The following FN1 variants were observed in gnomAD, a reference collection of about 807,000 sequenced individuals.
FN1 encodes the protein fibronectin 1, also known as fibronectin.
Under a neutral mutation model 297.3 loss-of-function variants are expected in FN1, and 106 were observed. The observed-to-expected ratio is 0.36, with a 90% CI of 0.30 to 0.42. FN1 has a LOEUF of 0.42. FN1 is among the 10% of genes least tolerant of loss of function. The pLI is 1.00. For missense variants in FN1, 2,690 were observed against 3,124.9 expected (o/e 0.86, Z 3.32); for synonymous variants, 1,149 against 1,152.6 (o/e 1.00, Z 0.06).
chr2:215,361,767 C>G (rs761696071), intron 45 of FN1, 141 bp from the exon 46 acceptor site: 11 of 981,238 alleles, frequency 1.1e-5, no homozygotes, highest in Non-Finnish European at 1.7e-5. Context: ...AACCTAGCAG[C>G]ATACTGGGCA....
chr2:215,397,353 G>C (rs2060424882), intron 22 of FN1, 130 bp from the exon 23 acceptor site: 2 of 661,324 alleles, frequency 3.0e-6, no homozygotes, highest in Non-Finnish European at 5.5e-6. Flanking sequence ...AAAAATATAG[G>C]TTACATTATG....
rs1224176023 is a variant in FN1 at position 215,397,680 on chromosome 2, G to A, written c.3517C>T (p.Pro1173Ser). The change falls in exon 22 of 46, where the codon CCA (proline) becomes TCA (serine). Residue 1173 changes from proline (P) to serine (S), a missense_variant and splice_region_variant. Pro to Ser is a moderately conservative substitution (Grantham distance 74). Transcript: ENST00000354785. ...DAPIVNKVVTPLSPPTNLHLE... is the reference protein window; with the variant it reads ...DAPIVNKVVTSLSPPTNLHLE... ...AGAAAAGGGAAAAAATTCTTCTTAC[G>A]TGTCACCACTTTGTTTACAATTGGC... 12 of 1,613,614 alleles carry A rather than the reference G, an allele frequency of 7.4e-6. No homozygotes were observed. The highest frequency in any genetic ancestry group is 4.5e-5 in the East Asian group (2 of 44,866).
chr2:215,432,915 T>C (rs1255149103), intron 3 of FN1, among the ~76,000 whole-genome samples: 1 of 152,164 alleles, frequency 6.6e-6, no homozygotes, highest in Non-Finnish European at 1.5e-5. Flanking sequence ...AGACAACACA[T>C]GGCTGGTTCA....
rs1369816310 is a variant in FN1 at position 215,361,342 on chromosome 2, C to A, written c.*213G>T. On this transcript the variant is annotated 3_prime_UTR_variant, in exon 46 of 46. Transcript: ENST00000354785. ...ATTGAATACTTCGAAGCAGAACAGGCAATGTGCAGCCCTCATTTATGAGAA... is the reference window on the plus strand; with the variant it reads ...ATTGAATACTTCGAAGCAGAACAGGAAATGTGCAGCCCTCATTTATGAGAA... The A allele has an allele frequency of 5.1e-5, 30 of 594,008 alleles. No homozygotes were observed. In the South Asian group the frequency reaches 5.8e-4, roughly 12 times the overall value. The allele number at this position is 594,008 out of a possible 1,614,324, so 36.8% of individuals were successfully genotyped here.
Position 215,378,266 on chromosome 2 carries a change from G to T in FN1, c.5623-4C>A. Reference sequence around the variant, plus strand: ...TCACTTCATATTTGGTGGCCACCTAGAGAAATAAGGGCATGGTGAGCTTTA... The same window carrying T: ...TCACTTCATATTTGGTGGCCACCTATAGAAATAAGGGCATGGTGAGCTTTA... On this transcript the variant is annotated splice_region_variant and splice_polypyrimidine_tract_variant and intron_variant, in intron 34 of 45. Coordinates refer to ENST00000354785, the MANE Select transcript of FN1 (RefSeq NM_212482.4). 6.3e-7 allele frequency: 1 copy of T among 1,576,128 alleles called. No homozygotes were observed. Among genetic ancestry groups the T allele is most frequent in the Non-Finnish European group, 8.7e-7 (1 of 1,146,556 alleles).
intron 23 of FN1, among the ~76,000 whole-genome samples, chr2:215,395,079 G>A (rs1296744495): frequency 6.6e-6 from 1 of 152,030 alleles, no homozygotes; most frequent in Non-Finnish European, 1.5e-5. Context: ...TCCTATCACT[G>A]TACCCTGCTT....
intron 3 of FN1, among the ~76,000 whole-genome samples, chr2:215,432,853 C>T (rs1293706549): frequency 6.6e-6 from 1 of 152,126 alleles, no homozygotes; most frequent in Non-Finnish European, 1.5e-5. Context: ...ACCAAGAAAC[C>T]AGACTGTTTC....
chr2:215,391,987 AACACTACAC>A, intron 25 of FN1, 173 bp from the exon 26 acceptor site: 1 of 634,676 alleles, frequency 1.6e-6, no homozygotes, highest in Non-Finnish European at 2.8e-6. Flanking sequence ...TTAAAAATAA[AACACTACAC>A]ACAGTACTGT....
chr2:215,375,191 T>G, intron 38 of FN1, 23 bp downstream of exon 38: 1 of 1,612,598 alleles, frequency 6.2e-7, no homozygotes, highest in Non-Finnish European at 8.5e-7. Flanking sequence ...AGAAGGAAAA[T>G]GACAGCATGG....
Position 215,384,980 on chromosome 2 carries a change from G to GAA in FN1, c.4613-6_4613-5dup. On this transcript the variant is annotated splice_polypyrimidine_tract_variant and splice_region_variant and intron_variant, in intron 28 of 45. Coordinates refer to ENST00000354785, the MANE Select transcript of FN1 (RefSeq NM_212482.4). ...AGGTCCCTCGGAACATCAGAAACTAGAAAAAAAAGGGAAACTTTTCACATC... is the reference window on the plus strand; with the variant it reads ...AGGTCCCTCGGAACATCAGAAACTAGAAAAAAAAAAGGGAAACTTTTCACATC... 1.3e-6 allele frequency: 2 copies of GAA among 1,592,040 alleles called. No homozygotes were observed. The highest frequency in any genetic ancestry group is 1.1e-5 in the South Asian group (1 of 90,570).
chr2:215,414,350 CTAAA>C (rs2063121360), intron 13 of FN1, among the ~76,000 whole-genome samples: 1 of 152,078 alleles, frequency 6.6e-6, no homozygotes, highest in South Asian at 2.1e-4. Context: ...TTCCTTCTAT[CTAAA>C]TAAATTCAGT....
intron 19 of FN1, among the ~76,000 whole-genome samples, chr2:215,405,131 G>T (rs1161914924): frequency 6.6e-6 from 1 of 152,136 alleles, no homozygotes; most frequent in Admixed American, 6.5e-5. Flanking sequence ...ATTTTCACAT[G>T]GTTCAGATTA....
intron 9 of FN1, among the ~76,000 whole-genome samples, chr2:215,423,008 G>T (rs981572802): frequency 1.3e-5 from 2 of 152,140 alleles, no homozygotes; most frequent in African/African-American, 2.4e-5. Context: ...ATTAAATGTT[G>T]TAAGCTACTC....
intron 13 of FN1, among the ~76,000 whole-genome samples, chr2:215,410,507 CTTTT>C (rs34645626): frequency 1.5e-5 from 2 of 133,996 alleles, no homozygotes; most frequent in Admixed American, 7.5e-5. Context: ...GGCACCTTCA[CTTTT>C]TTTTTTTTTT....
chr2:215,383,928 A>G (rs996958830), intron 30 of FN1, 92 bp downstream of exon 30: 14 of 1,432,780 alleles, frequency 9.8e-6, no homozygotes, highest in South Asian at 3.5e-5. Context: ...AGGAAAATCT[A>G]TTCTACAATT....
chr2:215,390,833 T>A (rs1360223752), intron 26 of FN1, among the ~76,000 whole-genome samples: 1 of 152,242 alleles, frequency 6.6e-6, no homozygotes, highest in East Asian at 1.9e-4. Flanking sequence ...GAAAGGTAGA[T>A]GTTTTCAGAC....
chr2:215,386,721 T>C lies in FN1; in HGVS notation c.4580A>G (p.Glu1527Gly). 2 of 1,613,998 alleles carry C rather than the reference T, an allele frequency of 1.2e-6. No homozygotes were observed. Among genetic ancestry groups the C allele is most frequent in the East Asian group, 2.2e-5 (1 of 44,858 alleles). The change falls in exon 28 of 46, where the codon GAA (glutamate) becomes GGA (glycine). Residue 1527 changes from glutamate (E) to glycine (G), a missense_variant. Transcript: ENST00000354785. Reference sequence around the variant, plus strand: ...TTGTTGGCCAATCAATAAGGGACTTTCCTCTCTGCCATTAAGAGCAACGAT... The same window carrying C: ...TTGTTGGCCAATCAATAAGGGACTTCCCTCTCTGCCATTAAGAGCAACGAT... ...VSIVALNGRE[E>G]SPLLIGQQST...
intron 7 of FN1, among the ~76,000 whole-genome samples, chr2:215,424,631 T>G (rs1349762106): frequency 6.6e-6 from 1 of 152,190 alleles, no homozygotes; most frequent in Non-Finnish European, 1.5e-5. Flanking sequence ...CTTAAGGATG[T>G]TGGGATAATA....
At position 215,401,197 on chromosome 2, in the gene FN1, GAAAAGAAAGAAAGAAA is replaced by G. The variant is rs1559473985; in HGVS notation, c.3254-1862_3254-1847del. On this transcript the variant is annotated intron_variant, in intron 20 of 45. Transcript: ENST00000354785. ...AGAGAGAGAGTGAGAGAGAAAGAAA[GAAAAGAAAGAAAGAAA>G]GAAAGAAAGAAAGAAAGAAAGAAAG... Among the ~76,000 whole-genome samples the G allele has an allele frequency of 1.8e-3, 141 of 77,644 alleles. 1 individual carries two copies. The highest frequency in any genetic ancestry group is 6.7e-3 in the African/African-American group (105 of 15,622). The allele number at this position is 77,644 out of a possible 152,430, so 50.9% of individuals were successfully genotyped here.
Sources: allele counts gnomAD v4.1 joint callset (sites outside exome capture counted in the v4.1 genomes callset), GRCh38; gene constraint gnomAD v4.1.1; transcripts MANE v1.5; gene names NCBI Gene and HGNC (gene_info 2026-07-23, HGNC 2026-07-21).